CALN1: variants seen among roughly 807,000 people sequenced by gnomAD.
CALN1 encodes the protein calcium-binding protein 8.
In CALN1, 17 loss-of-function variants were observed where a neutral mutation model predicts 30.6. The observed-to-expected ratio is 0.56, with a 90% CI of 0.38 to 0.83. CALN1 has a LOEUF of 0.83. CALN1 is among the 40% of genes least tolerant of loss of function. The pLI is 0.00. For synonymous variants in CALN1, 156 were observed against 131.4 expected, an observed-to-expected ratio of 1.19 and a Z score of -1.28; for missense variants, 291 against 354.9, an observed-to-expected ratio of 0.82 and a Z score of 1.45.
chr7:71,870,817 ATTAG>A (rs1301816992), intron 5 of CALN1, among the ~76,000 whole-genome samples: 8 of 152,192 alleles, frequency 5.3e-5, no homozygotes, highest in South Asian at 2.1e-4. Context: ...CTTATTCTGA[ATTAG>A]TTAGTGGGCA....
At chr7:72,493,768 T>C in the CALN1 span, among the ~76,000 whole-genome samples, 2 of 152,258 alleles carry the variant, frequency 1.3e-5, no homozygotes, top group Admixed American at 1.3e-4. Context: ...TTTAGTGTGC[T>C]AGTGCAGGTG....
intron 3 of CALN1, among the ~76,000 whole-genome samples, chr7:72,238,626 G>A (rs562725139): frequency 6.6e-6 from 1 of 152,204 alleles, no homozygotes; most frequent in African/African-American, 2.4e-5. Context: ...TTAGCTCCAT[G>A]TTGTTCTCAT....
chr7:72,352,525 A>G (rs74824774), intron 2 of CALN1, among the ~76,000 whole-genome samples: 3,838 of 152,252 alleles, frequency 0.025, 157 homozygotes, highest in African/African-American at 0.085. Flanking sequence ...TTTTACAAGT[A>G]AAAAACAGTT....
chr7:72,178,337 C>CTTG (rs148211226), intron 3 of CALN1, among the ~76,000 whole-genome samples: 27,161 of 152,054 alleles, frequency 0.18, 2,602 homozygotes, highest in East Asian at 0.28. Flanking sequence ...AAAGGCTGCA[C>CTTG]TTGTGCAAGA....
At chr7:72,308,787 A>T (rs1585433867) in intron 2 of CALN1, among the ~76,000 whole-genome samples, 1 of 152,116 alleles carries the variant, frequency 6.6e-6, no homozygotes. Context: ...CGGTGGGGGC[A>T]GAACAATAAA....
intron 3 of CALN1, among the ~76,000 whole-genome samples, chr7:72,173,784 T>C (rs1374887565): frequency 6.6e-6 from 1 of 152,156 alleles, no homozygotes; most frequent in Middle Eastern, 3.4e-3. Context: ...TATGTAAAAA[T>C]GAACTCAAAA....
chr7:72,379,179 G>A (rs1221855374), intron 2 of CALN1, among the ~76,000 whole-genome samples: 3 of 152,010 alleles, frequency 2.0e-5, no homozygotes, highest in Admixed American at 2.0e-4. Context: ...ACACAAACTG[G>A]ATTACAGTGG....
chr7:72,375,024 A>G (rs1375374368), intron 2 of CALN1, among the ~76,000 whole-genome samples: 1 of 152,212 alleles, frequency 6.6e-6, no homozygotes, highest in Non-Finnish European at 1.5e-5. Context: ...AAACTTAAAA[A>G]ATATAAAAAA....
chr7:72,291,640 G>T (rs1798483710), intron 2 of CALN1, among the ~76,000 whole-genome samples: 1 of 152,176 alleles, frequency 6.6e-6, no homozygotes, highest in African/African-American at 2.4e-5. Context: ...CTGCTACTTT[G>T]CTGGGCCAGT....
chr7:72,233,555 A>T (rs1794262011), intron 3 of CALN1, among the ~76,000 whole-genome samples: 1 of 152,108 alleles, frequency 6.6e-6, no homozygotes, highest in African/African-American at 2.4e-5. Context: ...ATTTCTACAA[A>T]AAAAAACAGA....
chr7:71,871,733 A>T (rs1441227822), intron 5 of CALN1, among the ~76,000 whole-genome samples: 1 of 151,386 alleles, frequency 6.6e-6, no homozygotes, highest in Non-Finnish European at 1.5e-5. Flanking sequence ...TTTCCCATGA[A>T]TCACTCTCCT....
intron 2 of CALN1, among the ~76,000 whole-genome samples, chr7:72,385,099 A>T (rs1252492609): frequency 6.6e-6 from 1 of 152,240 alleles, no homozygotes; most frequent in African/African-American, 2.4e-5. Flanking sequence ...TTAAAACAAG[A>T]TACCACTACA....
At chr7:71,963,506 T>C (rs980928769) in intron 5 of CALN1, among the ~76,000 whole-genome samples, 14 of 152,002 alleles carry the variant, frequency 9.2e-5, no homozygotes, top group Non-Finnish European at 1.9e-4. Context: ...GGTTTTGCCA[T>C]GTTGGCCAGG....
intron 5 of CALN1, among the ~76,000 whole-genome samples, chr7:71,895,460 G>A (rs766422330): frequency 6.6e-6 from 1 of 152,082 alleles, no homozygotes; most frequent in South Asian, 2.1e-4. Flanking sequence ...TAAGATGATC[G>A]TAGTTCTCAT....
chr7:71,965,640 A>T (rs1797494731), intron 5 of CALN1, among the ~76,000 whole-genome samples: 1 of 152,204 alleles, frequency 6.6e-6, no homozygotes, highest in Admixed American at 6.5e-5. Flanking sequence ...CTACATAGGG[A>T]CTTACCTTAT....
At chr7:72,403,977 C>T (rs901491531) in intron 1 of CALN1, among the ~76,000 whole-genome samples, 1 of 152,144 alleles carries the variant, frequency 6.6e-6, no homozygotes, top group Non-Finnish European at 1.5e-5. Context: ...ATACAGCATC[C>T]AAGATGGCAT....
chr7:72,485,860 C>T, the CALN1 span, among the ~76,000 whole-genome samples: 24 of 151,484 alleles, frequency 1.6e-4, no homozygotes, highest in South Asian at 2.7e-3. Flanking sequence ...GCAACAAGAG[C>T]GAAACTACAT....
At chr7:72,313,565 T>C (rs954567055) in intron 2 of CALN1, among the ~76,000 whole-genome samples, 4 of 152,078 alleles carry the variant, frequency 2.6e-5, no homozygotes, top group Admixed American at 2.0e-4. Context: ...GCTCATTGTT[T>C]TGTACTTTTT....
intron 6 of CALN1, among the ~76,000 whole-genome samples, chr7:71,808,926 G>A (rs941548843): frequency 9.9e-5 from 15 of 151,894 alleles, no homozygotes; most frequent in African/African-American, 2.7e-4. Flanking sequence ...CCTCACCCTC[G>A]CATGTCCTGC....
Sources: gnomAD v4.1 joint callset for allele counts (sites outside exome capture counted in the v4.1 genomes callset) on GRCh38, gnomAD v4.1.1 for gene constraint, MANE v1.5 for transcripts, NCBI Gene and HGNC (gene_info 2026-07-23, HGNC 2026-07-21) for gene names.